Variants in MAPK10 observed in about 807,000 individuals in gnomAD.
The protein encoded by MAPK10 is JNK3 alpha protein kinase.
In MAPK10, 25 loss-of-function variants were observed where a neutral mutation model predicts 59.3. That is an observed-to-expected ratio of 0.42 (90% confidence interval 0.31 to 0.59). The LOEUF is 0.59. MAPK10 is among the 20% of genes least tolerant of loss of function. MAPK10 has a pLI of 0.15. For synonymous variants in MAPK10, 190 were observed against 200.5 expected (o/e 0.95, Z 0.44); for missense variants, 351 against 568.9 (o/e 0.62, Z 3.90).
At chr4:86,137,266 T>C (rs920430975) in intron 4 of MAPK10, among the ~76,000 whole-genome samples, 5 of 151,854 alleles carry the variant, frequency 3.3e-5, no homozygotes, top group South Asian at 2.1e-4. Context: ...TACTCCAAAA[T>C]TGACCATATA....
intron 1 of MAPK10, among the ~76,000 whole-genome samples, chr4:86,482,822 A>C (rs1210006655): frequency 6.6e-6 from 1 of 152,206 alleles, no homozygotes; most frequent in East Asian, 1.9e-4. Context: ...AAATGAAAGT[A>C]AGAAAATTAA....
chr4:86,502,771 C>T (rs1205016417), intron 1 of MAPK10, among the ~76,000 whole-genome samples: 1 of 152,118 alleles, frequency 6.6e-6, no homozygotes, highest in Non-Finnish European at 1.5e-5. Flanking sequence ...ATGACTCCCA[C>T]ATTTCAGTCA....
chr4:86,183,976 T>C (rs1230945560), intron 3 of MAPK10, among the ~76,000 whole-genome samples: 1 of 152,188 alleles, frequency 6.6e-6, no homozygotes, highest in Non-Finnish European at 1.5e-5. Flanking sequence ...TGCCCACTTT[T>C]TGATGGGGTT....
At chr4:86,207,365 G>A (rs563087641) in intron 2 of MAPK10, among the ~76,000 whole-genome samples, 15 of 151,796 alleles carry the variant, frequency 9.9e-5, no homozygotes, top group African/African-American at 1.5e-4. Flanking sequence ...GTAGATAGGC[G>A]GTGTTATTTC....
Position 86,134,802 on chromosome 4 carries a change from C to A in MAPK10, c.236+24496G>T, listed in dbSNP as rs75728009. Among the ~76,000 whole-genome samples, 3 of 152,228 alleles carry A rather than the reference C, an allele frequency of 2.0e-5. No individual in the cohort carries two copies. In the South Asian group the frequency reaches 6.2e-4, roughly 32 times the overall value. On this transcript the variant is annotated intron_variant, in intron 4 of 13. Coordinates refer to ENST00000641462, the MANE Select transcript of MAPK10 (RefSeq NM_138982.4). Reference sequence around the variant, plus strand: ...TTCATCTCACTAGGGAGTGCCAAGACGGTGGGCGCAGGTCAGTGGGTGCAC... The same window carrying A: ...TTCATCTCACTAGGGAGTGCCAAGAAGGTGGGCGCAGGTCAGTGGGTGCAC...
At chr4:86,537,202 T>A (rs1758315337) in intron 1 of MAPK10, among the ~76,000 whole-genome samples, 1 of 152,130 alleles carries the variant, frequency 6.6e-6, no homozygotes, top group African/African-American at 2.4e-5. Flanking sequence ...GGCAGAGTGG[T>A]GCATATGAGA....
chr4:86,157,616 TAA>T (rs564838685), intron 4 of MAPK10, among the ~76,000 whole-genome samples: 330 of 151,966 alleles, frequency 2.2e-3, no homozygotes, highest in Non-Finnish European at 3.8e-3. Flanking sequence ...GCATTTGACA[TAA>T]GAGAGGCAGA....
At chr4:86,384,354 A>G (rs372781995) in intron 1 of MAPK10, 3 of 152,178 alleles carry the variant, frequency 2.0e-5, no homozygotes, top group East Asian at 1.9e-4. Flanking sequence ...GAACGCTGAG[A>G]TGGGACAGAG....
At chr4:86,539,217 AC>A (rs555479350) in intron 1 of MAPK10, among the ~76,000 whole-genome samples, 43 of 152,320 alleles carry the variant, frequency 2.8e-4, no homozygotes, top group Admixed American at 2.7e-3. Flanking sequence ...CTGAACTCCT[AC>A]AGAGGAAGGA....
intron 13 of MAPK10, chr4:86,025,216 G>C (rs768943308): frequency 6.7e-5 from 19 of 281,772 alleles, no homozygotes; most frequent in Non-Finnish European, 9.8e-5. Context: ...GAATTGTTAA[G>C]TGCTACTAGT....
chr4:86,339,188 A>G (rs6852305), intron 2 of MAPK10, among the ~76,000 whole-genome samples: 111,184 of 152,010 alleles, frequency 0.73, 41,254 homozygotes, highest in South Asian at 0.9. Context: ...TAAAGCAAAT[A>G]TGTACAACTT....
chr4:86,334,383 T>A (rs1044359178), intron 2 of MAPK10, among the ~76,000 whole-genome samples: 1 of 152,188 alleles, frequency 6.6e-6, no homozygotes, highest in African/African-American at 2.4e-5. Context: ...GTCAGTCTTA[T>A]CCTTCCCTAA....
chr4:86,342,882 A>T (rs1725819319), intron 2 of MAPK10, among the ~76,000 whole-genome samples: 1 of 152,070 alleles, frequency 6.6e-6, no homozygotes, highest in African/African-American at 2.4e-5. Flanking sequence ...TCTCTTCTTC[A>T]AACCAACATT....
chr4:86,446,349 T>C (rs1026591378), intron 1 of MAPK10, among the ~76,000 whole-genome samples: 15 of 152,070 alleles, frequency 9.9e-5, no homozygotes, highest in Non-Finnish European at 1.9e-4. Context: ...TAAGATAAAA[T>C]AGTTGAGAAT....
At chr4:86,208,565 A>C (rs2084842049) in intron 2 of MAPK10, among the ~76,000 whole-genome samples, 1 of 151,892 alleles carries the variant, frequency 6.6e-6, no homozygotes, top group Admixed American at 6.6e-5. Context: ...ACTCTCAATA[A>C]ATTAGATATT....
intron 1 of MAPK10, among the ~76,000 whole-genome samples, chr4:86,371,498 G>C (rs985222973): frequency 1.3e-5 from 2 of 152,164 alleles, no homozygotes; most frequent in Non-Finnish European, 2.9e-5. Context: ...TGACCGCCAT[G>C]GGTCAGTATT....
intron 11 of MAPK10, among the ~76,000 whole-genome samples, chr4:86,062,247 CT>C: frequency 1.3e-5 from 2 of 152,234 alleles, no homozygotes; most frequent in South Asian, 4.1e-4. Flanking sequence ...TAACTGTCTT[CT>C]TTTTCTGGAA....
chr4:86,355,317 G>T (rs769957258), intron 1 of MAPK10, among the ~76,000 whole-genome samples: 1 of 151,888 alleles, frequency 6.6e-6, no homozygotes, highest in Non-Finnish European at 1.5e-5. Context: ...CCCCAAGTAA[G>T]AGTTTCTTTC....
intron 3 of MAPK10, among the ~76,000 whole-genome samples, chr4:86,169,121 G>T (rs952942599): frequency 6.6e-6 from 1 of 152,008 alleles, no homozygotes; most frequent in Non-Finnish European, 1.5e-5. Context: ...GGAAAAAACA[G>T]AACAGAAAAA....
Sources: gnomAD v4.1 joint callset for allele counts (sites outside exome capture counted in the v4.1 genomes callset) on GRCh38, gnomAD v4.1.1 for gene constraint, MANE v1.5 for transcripts, NCBI Gene and HGNC (gene_info 2026-07-23, HGNC 2026-07-21) for gene names.